PRDM2: variants seen among roughly 807,000 people sequenced by gnomAD.
The protein encoded by PRDM2 is PR domain zinc finger protein 2.
PRDM2 carries 30 observed loss-of-function variants against 130.0 expected under a neutral mutation model. The observed-to-expected ratio is 0.23, with a 90% CI of 0.17 to 0.31. The LOEUF is 0.31. PRDM2 is among the 10% of genes least tolerant of loss of function. The pLI, the probability that PRDM2 is intolerant of heterozygous loss-of-function variation, is 1.00. For missense variants in PRDM2, 2,011 were observed against 2,108.4 expected (o/e 0.95, Z 0.90); for synonymous variants, 871 against 782.4 (o/e 1.11, Z -1.89).
At chr1:13,702,176 A>G (rs566096966) in intron 1 of PRDM2, among the ~76,000 whole-genome samples, 4 of 151,896 alleles carry the variant, frequency 2.6e-5, no homozygotes, top group Non-Finnish European at 2.9e-5. Flanking sequence ...GTTCATTCAC[A>G]TATATATATA....
chr1:13,702,781 A>G (rs543755578), intron 1 of PRDM2, among the ~76,000 whole-genome samples: 1 of 152,296 alleles, frequency 6.6e-6, no homozygotes, highest in South Asian at 2.1e-4. Context: ...TCTTCTGAGT[A>G]GCTTTTCATG....
chr1:13,780,772 G>T lies in PRDM2; in HGVS notation c.2977G>T (p.Val993Leu). ...TCCGCCCCCTCCCCTCCTTCCTACC[G>T]TACCTCTTCCAGCCCCCTCTTCCAG... is the stretch of plus-strand genomic sequence containing the variant. ...ATPPPPLLPT[V>L]PLPAPSSSAS... The change falls in exon 8 of 10, where the codon GTA (valine) becomes TTA (leucine). Residue 993 changes from valine to leucine, a missense_variant. By Grantham distance (32) the Val-to-Leu change is conservative (BLOSUM62 1). Transcript: ENST00000311066. The T allele has an allele frequency of 8.7e-6, 11 of 1,266,416 alleles. No homozygotes were observed. Among genetic ancestry groups the T allele is most frequent in the Non-Finnish European group, 1.1e-5 (11 of 970,940 alleles). The allele number at this position is 1,266,416 out of a possible 1,614,324, so 78.4% of individuals were successfully genotyped here.
intron 2 of PRDM2, among the ~76,000 whole-genome samples, chr1:13,717,139 A>T (rs1374705406): frequency 6.6e-6 from 1 of 152,234 alleles, no homozygotes; most frequent in Non-Finnish European, 1.5e-5. Flanking sequence ...TCTGGCGAAC[A>T]CATGGGGCAC....
intron 6 of PRDM2, among the ~76,000 whole-genome samples, chr1:13,768,025 TAAG>T (rs1411348532): frequency 6.6e-6 from 1 of 151,228 alleles, no homozygotes; most frequent in Non-Finnish European, 1.5e-5. Flanking sequence ...TTATTGATAT[TAAG>T]AAGTAACTAT....
chr1:13,794,680 A>T (rs1339462884), intron 8 of PRDM2, among the ~76,000 whole-genome samples: 1 of 152,338 alleles, frequency 6.6e-6, no homozygotes, highest in East Asian at 1.9e-4. Context: ...CACCCCAGTG[A>T]GTGCTGTCAA....
chr1:13,700,816 A>G (rs745346981), intron 1 of PRDM2, among the ~76,000 whole-genome samples: 11 of 152,104 alleles, frequency 7.2e-5, no homozygotes, highest in Non-Finnish European at 1.2e-4. Context: ...GTGTGGTTTT[A>G]ACCTGGAGAT....
At chr1:13,789,779 A>G (rs536244177) in intron 8 of PRDM2, among the ~76,000 whole-genome samples, 1 of 152,348 alleles carries the variant, frequency 6.6e-6, no homozygotes, top group African/African-American at 2.4e-5. Context: ...CGGATGAGAA[A>G]AGGGTTGACT....
rs146910634 is a variant in PRDM2 at position 13,795,170 on chromosome 1, C to G, written c.5036+12339C>G. The stretch of plus-strand genomic sequence containing the variant: ...TTAAGAAGAAAGCATTTCATTAGCT[C>G]TGTCAAACCATGAAAACCAAATAAC... On this transcript the variant is annotated intron_variant, in intron 8 of 9. Transcript: ENST00000311066. Among the ~76,000 whole-genome samples the G allele has an allele frequency of 5.3e-5, 8 of 152,314 alleles. 1 individual carries two copies. The East Asian group carries it at 1.5e-3, about 29-fold the overall frequency.
At chr1:13,799,088 C>G (rs1289049440) in intron 8 of PRDM2, among the ~76,000 whole-genome samples, 3 of 152,210 alleles carry the variant, frequency 2.0e-5, no homozygotes, top group African/African-American at 7.2e-5. Flanking sequence ...ACAGAGGTCT[C>G]CGCCACTTAC....
intron 7 of PRDM2, among the ~76,000 whole-genome samples, chr1:13,774,791 A>C (rs1644436003): frequency 6.6e-6 from 1 of 152,026 alleles, no homozygotes. Flanking sequence ...CCTGGCTAAC[A>C]TGGTGAAACC....
intron 6 of PRDM2, among the ~76,000 whole-genome samples, chr1:13,769,501 T>A (rs1336091006): frequency 6.6e-6 from 1 of 152,164 alleles, no homozygotes; most frequent in Non-Finnish European, 1.5e-5. Context: ...GCCTTCACTT[T>A]CTCCCACAAA....
At chr1:13,750,613 A>G (rs950814078) in intron 6 of PRDM2, among the ~76,000 whole-genome samples, 2 of 152,154 alleles carry the variant, frequency 1.3e-5, no homozygotes, top group Non-Finnish European at 2.9e-5. Context: ...TATTCTTTGT[A>G]TGTCACCACA....
At chr1:13,763,639 T>C (rs1261802414) in intron 6 of PRDM2, among the ~76,000 whole-genome samples, 1 of 152,226 alleles carries the variant, frequency 6.6e-6, no homozygotes, top group Non-Finnish European at 1.5e-5. Context: ...TTTTACAAAA[T>C]TTTAAAGTGT....
intron 8 of PRDM2, among the ~76,000 whole-genome samples, chr1:13,805,516 G>A (rs949606836): frequency 6.6e-6 from 1 of 152,108 alleles, no homozygotes; most frequent in East Asian, 1.9e-4. Context: ...GGTGGCTGAG[G>A]GCCGATGGCT....
chr1:13,803,053 G>C lies in PRDM2; in HGVS notation c.5037-13374G>C, dbSNP rs1162085047. ...GGCAGTGACGGTGTTTCCAGCCGAG[G>C]TGACATTCTCCAGACTTGAACCCCT... is the stretch of plus-strand genomic sequence containing the variant. On this transcript the variant is annotated intron_variant, in intron 8 of 9. Transcript: ENST00000311066. This position sits in a 1 kb window ranked among gnomAD's most constrained non-coding sequence, Gnocchi z 6.2. 2.6e-5 allele frequency among the ~76,000 whole-genome samples: 4 copies of C among 152,310 alleles called. No homozygotes were observed. Among genetic ancestry groups the C allele is most frequent in the African/African-American group, 7.2e-5 (3 of 41,580 alleles).
intron 6 of PRDM2, 62 bp downstream of exon 6, chr1:13,749,549 G>C: frequency 9.2e-7 from 1 of 1,088,316 alleles, no homozygotes; most frequent in Non-Finnish European, 1.1e-6. Flanking sequence ...ACGCCGCCCT[G>C]CCGCCCTCGC....
chr1:13,736,136 C>T, intron 4 of PRDM2, among the ~76,000 whole-genome samples: 1 of 136,292 alleles, frequency 7.3e-6, no homozygotes, highest in East Asian at 2.1e-4. Flanking sequence ...TTTTTTGAGA[C>T]AAGGTCTTGC....
intron 5 of PRDM2, among the ~76,000 whole-genome samples, chr1:13,744,191 A>G (rs1475020466): frequency 6.6e-6 from 1 of 152,258 alleles, no homozygotes; most frequent in African/African-American, 2.4e-5. Flanking sequence ...AACACTGAGA[A>G]TCAAGATAGA....
In PRDM2 at chr1:13,789,362, A is replaced by G. The variant is rs541129799; in HGVS notation, c.5036+6531A>G. 1.6e-4 allele frequency among the ~76,000 whole-genome samples: 24 copies of G among 152,354 alleles called. 1 individual carries two copies. Among genetic ancestry groups the G allele is most frequent in the African/African-American group, 4.6e-4 (19 of 41,592 alleles). ...TAATTTTACAAAACCAGCTTAATGTATTGAGTACTTAATGTATGCCTGGCT... is the reference window on the plus strand; with the variant it reads ...TAATTTTACAAAACCAGCTTAATGTGTTGAGTACTTAATGTATGCCTGGCT... On this transcript the variant is annotated intron_variant, in intron 8 of 9. Coordinates refer to ENST00000311066, the MANE Select transcript of PRDM2 (RefSeq NM_001393986.1).
Sources: gnomAD v4.1 joint callset for allele counts (sites outside exome capture counted in the v4.1 genomes callset) on GRCh38, gnomAD v4.1.1 for gene constraint, Gnocchi (gnomAD v3.1) non-coding constraint, MANE v1.5 for transcripts, NCBI Gene and HGNC (gene_info 2026-07-23, HGNC 2026-07-21) for gene names.